The following GARS1 variants were observed in gnomAD, a reference collection of about 807,000 sequenced individuals.
The protein encoded by GARS1 is glycyl-tRNA synthetase 1.
GARS1 carries 46 observed loss-of-function variants against 86.4 expected under a neutral mutation model. The ratio of observed to expected loss-of-function variants is 0.53; its 90% CI spans 0.42 to 0.68. GARS1 has a LOEUF of 0.68. Ranked by LOEUF, GARS1 falls within the 30% of genes least tolerant of loss-of-function variation. GARS1 has a pLI of 0.00. For missense variants in GARS1, 797 were observed against 915.6 expected (o/e 0.87, Z 1.67); for synonymous variants, 342 against 329.8 (o/e 1.04, Z -0.40).
At position 30,595,020 on chromosome 7, in the gene GARS1, C is replaced by T; in HGVS notation, c.99C>T (p.Arg33=). 2 of 1,580,188 alleles carry T rather than the reference C, an allele frequency of 1.3e-6. No individual in the cohort carries two copies. The highest frequency in any genetic ancestry group is 1.3e-5 in the African/African-American group (1 of 74,648). ...RLLARPSLLL[R]RSLSAASCPP... ...TAGCCCGACCCTCGCTCCTGCTCCG[C>T]CGGTCCCTCAGCGCGGCCTCCTGCC... is the stretch of plus-strand genomic sequence containing the variant. Residue 33 remains arginine (R), a synonymous_variant, in exon 1 of 17, where the codon CGC becomes CGT. Transcript: ENST00000389266.
intron 13 of GARS1, among the ~76,000 whole-genome samples, chr7:30,627,413 A>G (rs1292698005): frequency 6.6e-6 from 1 of 152,184 alleles, no homozygotes; most frequent in Non-Finnish European, 1.5e-5. Context: ...TTTCTAAAGT[A>G]TTAACTCTTT....
At chr7:30,617,832 A>G (rs1782920526) in intron 10 of GARS1, among the ~76,000 whole-genome samples, 1 of 152,160 alleles carries the variant, frequency 6.6e-6, no homozygotes, top group African/African-American at 2.4e-5. Context: ...ACCACCAAAC[A>G]TGAACATCAG....
intron 2 of GARS1, 109 bp from the exon 3 acceptor site, chr7:30,599,838 T>G (rs1157056871): frequency 4.1e-6 from 3 of 736,308 alleles, no homozygotes; most frequent in Admixed American, 2.5e-5. Flanking sequence ...CTTGTCTGTT[T>G]GATAAATTTT....
At chr7:30,618,591 A>C (rs1383537035) in intron 10 of GARS1, among the ~76,000 whole-genome samples, 1 of 152,120 alleles carries the variant, frequency 6.6e-6, no homozygotes, top group South Asian at 2.1e-4. Flanking sequence ...CCATGATTGC[A>C]CCACTGAACT....
At chr7:30,595,751 G>T in intron 1 of GARS1, 1 of 471,148 alleles carries the variant, frequency 2.1e-6, no homozygotes, top group Non-Finnish European at 4.4e-6. Flanking sequence ...ATGTGGGGAG[G>T]TGTCGAACTT....
intron 11 of GARS1, chr7:30,621,753 C>T (rs990533627): frequency 2.0e-4 from 115 of 563,854 alleles, no homozygotes; most frequent in Non-Finnish European, 2.2e-4. Flanking sequence ...GAATATCTTT[C>T]AGAACGTTAA....
In GARS1 at chr7:30,622,524, T is replaced by C. The variant is rs1783035054; in HGVS notation, c.1613+62T>C. The C allele has an allele frequency of 3.2e-6, 5 of 1,583,220 alleles. No individual in the cohort carries two copies. In the African/African-American group the frequency reaches 6.7e-5, roughly 21 times the overall value. Reference sequence around the variant, plus strand: ...GTCAGTTGTGTCATCTGCCAGGTTCTGAAAGGATGAGATTAATTTCTTAAG... The same window carrying C: ...GTCAGTTGTGTCATCTGCCAGGTTCCGAAAGGATGAGATTAATTTCTTAAG... On this transcript the variant is annotated intron_variant, in intron 12 of 16. Transcript: ENST00000389266.
intron 5 of GARS1, 118 bp downstream of exon 5, chr7:30,603,240 A>T: frequency 1.2e-6 from 1 of 850,660 alleles, no homozygotes. Context: ...CAAAGTGCAC[A>T]GATCTTAAGT....
intron 8 of GARS1, among the ~76,000 whole-genome samples, chr7:30,615,418 A>G (rs1381944177): frequency 1.3e-5 from 2 of 152,344 alleles, no homozygotes; most frequent in East Asian, 1.9e-4. Flanking sequence ...TTTTATCTGC[A>G]TGTCACTATT....
At chr7:30,605,933 A>T (rs1791474813) in intron 6 of GARS1, among the ~76,000 whole-genome samples, 1 of 152,064 alleles carries the variant, frequency 6.6e-6, no homozygotes, top group African/African-American at 2.4e-5. Flanking sequence ...ATACTTTGTG[A>T]TAGGTTGATA....
In GARS1 at chr7:30,626,261, A is replaced by G; in HGVS notation, c.1641A>G (p.Lys547=). The change falls in exon 13 of 17, where the codon AAA becomes AAG. Residue 547 remains lysine (K), a synonymous_variant. Transcript: ENST00000389266. ...AATTCACAATTGAAACTGAAGGGAA[A>G]ACATTTCAGTTAACAAAAGACATGA... The part of the protein sequence containing the change: ...KGEFTIETEG[K]TFQLTKDMIN... The G allele has an allele frequency of 6.2e-7, 1 of 1,608,624 alleles. No individual in the cohort carries two copies. Among genetic ancestry groups the G allele is most frequent in the Non-Finnish European group, 8.5e-7 (1 of 1,175,106 alleles).
chr7:30,616,684 T>A (rs1782896499), intron 9 of GARS1, among the ~76,000 whole-genome samples: 1 of 152,228 alleles, frequency 6.6e-6, no homozygotes, highest in Admixed American at 6.5e-5. Flanking sequence ...CTAAAATGAT[T>A]ACGTGTACTC....
intron 9 of GARS1, among the ~76,000 whole-genome samples, chr7:30,616,774 G>A (rs62446864): frequency 0.018 from 2,757 of 152,314 alleles, 35 homozygotes; most frequent in Middle Eastern, 0.031. Flanking sequence ...ATTCAGAGGG[G>A]AATGTCTTTG....
chr7:30,606,791 A>G (rs967742494), intron 6 of GARS1, among the ~76,000 whole-genome samples: 3 of 152,270 alleles, frequency 2.0e-5, no homozygotes, highest in African/African-American at 4.8e-5. Flanking sequence ...ATCACTAATT[A>G]TAAACCTTGT....
chr7:30,604,827 A>G (rs1257966078), intron 6 of GARS1, among the ~76,000 whole-genome samples: 1 of 152,234 alleles, frequency 6.6e-6, no homozygotes, highest in South Asian at 2.1e-4. Flanking sequence ...AAGTATCCCT[A>G]AAATTTTCCA....
At chr7:30,600,322 T>C (rs1196733709) in intron 3 of GARS1, among the ~76,000 whole-genome samples, 2 of 152,244 alleles carry the variant, frequency 1.3e-5, no homozygotes, top group Non-Finnish European at 2.9e-5. Flanking sequence ...TGTACTCATG[T>C]ACTCTTTTTA....
rs745908895 is a variant in GARS1, at chr7:30,601,238, A to T, written c.569+38A>T. Reference sequence around the variant, plus strand: ...TTTGGAGTGGGGGTATCCTACTTTAAATAAAATAACTTATTAAATTATTTA... The same window carrying T: ...TTTGGAGTGGGGGTATCCTACTTTATATAAAATAACTTATTAAATTATTTA... On this transcript the variant is annotated intron_variant, in intron 4 of 16. Coordinates refer to ENST00000389266, the MANE Select transcript of GARS1 (RefSeq NM_002047.4). 89 of 1,571,724 alleles carry T rather than the reference A, an allele frequency of 5.7e-5. 3 individuals carry two copies. The South Asian group carries it at 9.5e-4, about 17-fold the overall frequency.
At position 30,622,463 on chromosome 7, in the gene GARS1, G is replaced by A; in HGVS notation, c.1613+1G>A. The A allele has an allele frequency of 6.2e-7, 1 of 1,614,050 alleles. No homozygotes were observed. The highest frequency in any genetic ancestry group is 8.5e-7 in the Non-Finnish European group (1 of 1,179,970). The stretch of plus-strand genomic sequence containing the variant: ...TGGAGATGCTGCTGAATGAGAAAGG[G>A]TAAGATATCAGATGTTTACTCTTCC... On this transcript the variant is annotated splice_donor_variant, in intron 12 of 16. Coordinates refer to ENST00000389266, the MANE Select transcript of GARS1 (RefSeq NM_002047.4). LOFTEE classifies it high-confidence loss of function.
Position 30,632,587 on chromosome 7 carries a change from C to G in GARS1, c.2094+150C>G. ...GCTTGTATCAGACAGAGCCCAGATT[C>G]TCAAGTCCCCCGGTTTAATTATGAA... On this transcript the variant is annotated intron_variant, in intron 16 of 16. Coordinates refer to ENST00000389266, the MANE Select transcript of GARS1 (RefSeq NM_002047.4). This position sits in a 1 kb window ranked among gnomAD's most constrained non-coding sequence, Gnocchi z 4.1. 1 of 763,850 alleles carries G rather than the reference C, an allele frequency of 1.3e-6. No homozygotes were observed. The highest frequency in any genetic ancestry group is 1.6e-5 in the South Asian group (1 of 62,706). 47.3% of individuals were successfully genotyped at this position (763,850 alleles called of 1,614,324 possible). A position where few individuals can be genotyped will look rare whatever the true frequency, so the allele number is the denominator to read the frequency against.
Sources: gnomAD v4.1 joint callset for allele counts (sites outside exome capture counted in the v4.1 genomes callset) on GRCh38, gnomAD v4.1.1 for gene constraint, Gnocchi (gnomAD v3.1) non-coding constraint, MANE v1.5 for transcripts, NCBI Gene and HGNC (gene_info 2026-07-23, HGNC 2026-07-21) for gene names.